Variants in ERICH6B observed in about 807,000 individuals in gnomAD.
ERICH6B encodes the protein glutamate rich 6B.
Under a neutral mutation model 80.0 loss-of-function variants are expected in ERICH6B, and 69 were observed. That is an observed-to-expected ratio of 0.86 (90% CI 0.71 to 1.05). The LOEUF (loss-of-function observed/expected upper bound fraction) is 1.05. Among genes scored for constraint, ERICH6B ranks in the 50% least tolerant of loss-of-function variants. ERICH6B has a pLI of 0.00. For synonymous variants in ERICH6B, 283 were observed against 291.9 expected (o/e 0.97, Z 0.31); for missense variants, 754 against 796.1 (o/e 0.95, Z 0.64).
chr13:45,587,734 G>A (rs545182395), intron 4 of ERICH6B, among the ~76,000 whole-genome samples: 1 of 152,336 alleles, frequency 6.6e-6, no homozygotes, highest in East Asian at 1.9e-4. Context: ...TGGGTGTGAG[G>A]TGCAGGCTCC....
Position 45,562,991 on chromosome 13 carries a change from C to T in ERICH6B, c.1249+736G>A, listed in dbSNP as rs76574306. Among the ~76,000 whole-genome samples, 1,277 of 152,236 alleles carry T rather than the reference C, an allele frequency of 8.4e-3. 18 individuals are homozygous for T. The highest frequency in any genetic ancestry group is 0.029 in the African/African-American group (1,189 of 41,530). ...CCCATGAATATGGCTATCATTTTCACGTTAATTGGGTCCAGTCACCTGGAA... is the reference window on the plus strand; with the variant it reads ...CCCATGAATATGGCTATCATTTTCATGTTAATTGGGTCCAGTCACCTGGAA... On this transcript the variant is annotated intron_variant, in intron 10 of 14. Coordinates refer to ENST00000298738, the MANE Select transcript of ERICH6B (RefSeq NM_182542.3).
At chr13:45,603,384 TCA>T (rs1006440715) in intron 2 of ERICH6B, among the ~76,000 whole-genome samples, 2 of 152,222 alleles carry the variant, frequency 1.3e-5, no homozygotes, top group African/African-American at 4.8e-5. Flanking sequence ...GGTCTATTCT[TCA>T]CAGAGTCGCT....
At chr13:45,555,733 G>C (rs1472899850) in intron 11 of ERICH6B, among the ~76,000 whole-genome samples, 1 of 151,884 alleles carries the variant, frequency 6.6e-6, no homozygotes, top group Non-Finnish European at 1.5e-5. Flanking sequence ...GAAATACAAG[G>C]CTCAAAATAG....
At chr13:45,565,289 G>A (rs1342935182) in intron 9 of ERICH6B, among the ~76,000 whole-genome samples, 1 of 152,136 alleles carries the variant, frequency 6.6e-6, no homozygotes, top group South Asian at 2.1e-4. Context: ...ACTTGCCCAC[G>A]TGATTAGGTA....
chr13:45,591,455 A>G (rs1876152440), intron 3 of ERICH6B, among the ~76,000 whole-genome samples: 1 of 151,910 alleles, frequency 6.6e-6, no homozygotes, highest in South Asian at 2.1e-4. Flanking sequence ...AATTAGCTGG[A>G]TGTAGTGGCA....
chr13:45,575,563 C>G (rs1183539054), intron 7 of ERICH6B, among the ~76,000 whole-genome samples: 1 of 152,158 alleles, frequency 6.6e-6, no homozygotes, highest in African/African-American at 2.4e-5. Flanking sequence ...GTGATTTTCA[C>G]TTGGAAATTT....
chr13:45,558,901 A>G (rs3014915), intron 11 of ERICH6B, among the ~76,000 whole-genome samples: 92,318 of 151,986 alleles, frequency 0.61, 30,163 homozygotes, highest in African/African-American at 0.85. Context: ...TTCTCTTTTC[A>G]GTATGTCCTT....
At chr13:45,552,166 T>C (rs1391884251) in intron 11 of ERICH6B, among the ~76,000 whole-genome samples, 1 of 152,242 alleles carries the variant, frequency 6.6e-6, no homozygotes, top group Non-Finnish European at 1.5e-5. Context: ...TTGATTAAAA[T>C]GCACTGGGGC....
At chr13:45,596,281 C>T (rs1286306461) in intron 3 of ERICH6B, 88 bp downstream of exon 3, 1 of 1,423,418 alleles carries the variant, frequency 7.0e-7, no homozygotes, top group African/African-American at 1.4e-5. Flanking sequence ...GATACTCATC[C>T]CTTTCCAGAT....
intron 9 of ERICH6B, among the ~76,000 whole-genome samples, chr13:45,564,313 A>T (rs1311545310): frequency 6.6e-6 from 1 of 152,236 alleles, no homozygotes; most frequent in East Asian, 1.9e-4. Context: ...GTTAACACAC[A>T]GAGTGAGTCA....
chr13:45,578,855 A>G (rs181353970), intron 7 of ERICH6B, among the ~76,000 whole-genome samples: 10 of 152,326 alleles, frequency 6.6e-5, no homozygotes, highest in East Asian at 5.8e-4. Context: ...AAGTTGAGAC[A>G]ATCCTGGTCA....
At chr13:45,574,815 G>A (rs576137629) in intron 8 of ERICH6B, 27 bp downstream of exon 8, 26 of 1,509,928 alleles carry the variant, frequency 1.7e-5, no homozygotes, top group African/African-American at 4.2e-5. Context: ...AGCTGGGGGG[G>A]GGGTCTCAAG....
In ERICH6B at chr13:45,542,075, C is replaced by A. The variant is rs150541210; in HGVS notation, c.1873-395G>T. On this transcript the variant is annotated intron_variant, in intron 14 of 14. Transcript: ENST00000298738. ...CCTCACAGTGGCTACCCGTGAGCCC[C>A]GCCTCCACCTTGGGCTCCTTGGGAG... Among the ~76,000 whole-genome samples the A allele has an allele frequency of 1.1e-4, 17 of 152,284 alleles. No individual in the cohort carries two copies. The East Asian group carries it at 2.7e-3, about 24-fold the overall frequency.
chr13:45,543,632 G>A (rs1280731202), intron 14 of ERICH6B, among the ~76,000 whole-genome samples: 2 of 152,220 alleles, frequency 1.3e-5, no homozygotes, highest in African/African-American at 2.4e-5. Flanking sequence ...TGGAGCCTCT[G>A]GAGGATGGTG....
At chr13:45,604,481 C>T (rs954648980) in intron 2 of ERICH6B, among the ~76,000 whole-genome samples, 2 of 152,178 alleles carry the variant, frequency 1.3e-5, no homozygotes, top group Non-Finnish European at 2.9e-5. Context: ...CTGGCCCCTC[C>T]ACCCTCACAG....
chr13:45,583,801 G>A (rs1593319047), intron 5 of ERICH6B, among the ~76,000 whole-genome samples: 1 of 152,126 alleles, frequency 6.6e-6, no homozygotes, highest in South Asian at 2.1e-4. Context: ...TGCCATGATT[G>A]TGAGGCCTCC....
chr13:45,586,796 G>A (rs945296626), intron 5 of ERICH6B, among the ~76,000 whole-genome samples: 1 of 152,276 alleles, frequency 6.6e-6, no homozygotes, highest in South Asian at 2.1e-4. Flanking sequence ...GGGAAGAGAC[G>A]GAAAGATGGA....
chr13:45,587,716 C>T (rs562566673), intron 4 of ERICH6B, among the ~76,000 whole-genome samples: 109 of 152,308 alleles, frequency 7.2e-4, no homozygotes, highest in African/African-American at 2.5e-3. Context: ...GGCCTGAGGG[C>T]GGGGCACTGG....
intron 2 of ERICH6B, among the ~76,000 whole-genome samples, chr13:45,606,520 TATATATATATATATATATATATATATA>T (rs1566307710): frequency 2.5e-4 from 5 of 20,212 alleles, no homozygotes; most frequent in African/African-American, 7.2e-4. Flanking sequence ...TATATATATA[TATATATATATATATATATATATATATA>T]TTTTTTTTTT....
Sources: gnomAD v4.1 joint callset for allele counts (sites outside exome capture counted in the v4.1 genomes callset) on GRCh38, gnomAD v4.1.1 for gene constraint, MANE v1.5 for transcripts, NCBI Gene and HGNC (gene_info 2026-07-23, HGNC 2026-07-21) for gene names.